Variants in VPS39 observed in about 807,000 individuals in gnomAD.
VPS39 encodes VPS39 subunit of HOPS complex.
In VPS39, 70 loss-of-function variants were observed where a neutral mutation model predicts 121.0. The observed-to-expected ratio is 0.58, with a 90% CI of 0.48 to 0.71. The LOEUF (loss-of-function observed/expected upper bound fraction) is 0.71. VPS39 is among the 30% of genes least tolerant of loss of function. VPS39 has a pLI of 0.00. For synonymous variants in VPS39, 378 were observed against 398.1 expected, an observed-to-expected ratio of 0.95 and a Z score of 0.60; for missense variants, 818 against 1,051.5, an observed-to-expected ratio of 0.78 and a Z score of 3.07.
intron 2 of VPS39, chr15:42,192,087 C>A (rs1361772215): frequency 1.3e-6 from 2 of 1,536,318 alleles, no homozygotes; most frequent in Non-Finnish European, 1.7e-6. Flanking sequence ...GGTGATGCTA[C>A]ATCTGCTGGC....
chr15:42,177,162 T>TA (rs369967285), intron 10 of VPS39, among the ~76,000 whole-genome samples: 5 of 56,408 alleles, frequency 8.9e-5, no homozygotes, highest in African/African-American at 1.9e-4. Context: ...GACCCTGTTT[T>TA]AAAAAAAAAA....
chr15:42,173,409 C>T (rs763568054), intron 11 of VPS39, among the ~76,000 whole-genome samples: 2 of 152,236 alleles, frequency 1.3e-5, no homozygotes, highest in Non-Finnish European at 2.9e-5. Context: ...TTCAGAACAG[C>T]ATTCAATAAA....
At chr15:42,201,160 T>C (rs1407925559) in intron 1 of VPS39, among the ~76,000 whole-genome samples, 1 of 145,902 alleles carries the variant, frequency 6.9e-6, no homozygotes, top group Non-Finnish European at 1.5e-5. Flanking sequence ...AAAAACCATT[T>C]AATTGTACAC....
intron 10 of VPS39, among the ~76,000 whole-genome samples, chr15:42,174,370 T>G (rs756862343): frequency 9.2e-5 from 14 of 152,196 alleles, no homozygotes; most frequent in Non-Finnish European, 1.9e-4. Context: ...ACAACAGGGT[T>G]TCTACAAGAT....
chr15:42,191,361 G>A, intron 3 of VPS39, 135 bp downstream of exon 3: 1 of 1,060,170 alleles, frequency 9.4e-7, no homozygotes, highest in Non-Finnish European at 1.4e-6. Context: ...CATGATATAT[G>A]AGCAGACACT....
intron 2 of VPS39, among the ~76,000 whole-genome samples, chr15:42,198,045 A>G (rs1028260034): frequency 6.6e-6 from 1 of 152,210 alleles, no homozygotes; most frequent in Non-Finnish European, 1.5e-5. Flanking sequence ...CAGGAACATT[A>G]ACTAATTTGT....
intron 1 of VPS39, among the ~76,000 whole-genome samples, chr15:42,207,282 G>A (rs900219123): frequency 5.3e-5 from 8 of 152,144 alleles, no homozygotes; most frequent in African/African-American, 1.9e-4. Context: ...TAAACATTAA[G>A]AGGAAAGTTA....
chr15:42,163,225 G>A, intron 21 of VPS39, 125 bp downstream of exon 21: 4 of 1,182,342 alleles, frequency 3.4e-6, no homozygotes, highest in Non-Finnish European at 5.0e-6. Context: ...ATACACACAT[G>A]CAAGATCAAT....
At position 42,178,649 on chromosome 15, in the gene VPS39, G is replaced by A. The variant is rs2049509206; in HGVS notation, c.719-79C>T. The A allele has an allele frequency of 3.2e-6, 5 of 1,571,884 alleles. No homozygotes were observed. In the South Asian group the frequency reaches 3.4e-5, roughly 11 times the overall value. On this transcript the variant is annotated intron_variant, in intron 8 of 24. Transcript: ENST00000318006. The stretch of plus-strand genomic sequence containing the variant: ...GGAGTGTTTCAGCTGCCCATTCTAA[G>A]ATACATTTAAATGGATCTCCAAAAA...
intron 8 of VPS39, among the ~76,000 whole-genome samples, chr15:42,179,634 T>C (rs1337110712): frequency 7.2e-6 from 1 of 139,650 alleles, no homozygotes; most frequent in East Asian, 2.0e-4. Context: ...AAATAAAAAA[T>C]AAAAAAAAAA....
rs1180799308 is a variant in VPS39 at position 42,178,233 on chromosome 15, C to T, written c.945G>A (p.Leu315=). ...QQLLQDKQFE[L]ALQLAEMKDD... ...CAAGACTTACTGCGAGCTGCAGAGCCAATTCAAACTGCTTGTCCTGGAGAA... is the reference window on the plus strand; with the variant it reads ...CAAGACTTACTGCGAGCTGCAGAGCTAATTCAAACTGCTTGTCCTGGAGAA... The change falls in exon 10 of 25, where the codon TTG becomes TTA. Residue 315 remains leucine, a synonymous_variant. Transcript: ENST00000318006. 1 of 1,614,128 alleles carries T rather than the reference C, an allele frequency of 6.2e-7. No individual in the cohort carries two copies. Among genetic ancestry groups the T allele is most frequent in the Admixed American group, 1.7e-5 (1 of 60,016 alleles).
At chr15:42,160,993 G>T in intron 24 of VPS39, 164 bp from the exon 25 acceptor site, 1 of 649,902 alleles carries the variant, frequency 1.5e-6, no homozygotes, top group Non-Finnish European at 2.7e-6. Flanking sequence ...GATTTCTGTA[G>T]CCATCATCTC....
At chr15:42,161,541 G>T in intron 24 of VPS39, 141 bp downstream of exon 24, 1 of 857,068 alleles carries the variant, frequency 1.2e-6, no homozygotes, top group South Asian at 1.3e-5. Context: ...CTCTCTGAAG[G>T]CTCAAGAACT....
chr15:42,171,363 G>A (rs1236287897), intron 11 of VPS39, among the ~76,000 whole-genome samples: 1 of 152,190 alleles, frequency 6.6e-6, no homozygotes, highest in African/African-American at 2.4e-5. Flanking sequence ...CATTTCCAGT[G>A]TCTGGTTATC....
intron 1 of VPS39, among the ~76,000 whole-genome samples, chr15:42,204,898 A>G (rs1172859580): frequency 3.9e-5 from 6 of 152,142 alleles, no homozygotes; most frequent in Non-Finnish European, 8.8e-5. Context: ...TCATATATAC[A>G]TGTGAAGTCT....
rs770123834 is a variant in VPS39 at position 42,175,022 on chromosome 15, A to C, written c.961-1170T>G. Among the ~76,000 whole-genome samples, 8 of 152,298 alleles carry C rather than the reference A, an allele frequency of 5.3e-5. No homozygotes were observed. The East Asian group carries it at 1.5e-3, about 29-fold the overall frequency. On this transcript the variant is annotated intron_variant, in intron 10 of 24. Transcript: ENST00000318006. ...AGCTAAATGAGGCTGAGCAGATGAC[A>C]GGGAGGGGAAGAGGAGCATGTACTC...
At position 42,160,547 on chromosome 15, in the gene VPS39, A is replaced by G; in HGVS notation, c.*207T>C. ...TGCCCACAACATAATGGTATAAGGT[A>G]TAACTAATCTCTTTTCCCATTAAAA... On this transcript the variant is annotated 3_prime_UTR_variant, in exon 25 of 25. Transcript: ENST00000318006. 1 of 592,460 alleles carries G rather than the reference A, an allele frequency of 1.7e-6. No homozygotes were observed. The highest frequency in any genetic ancestry group is 3.0e-6 in the Non-Finnish European group (1 of 330,812). 36.7% of individuals were successfully genotyped at this position (592,460 alleles called of 1,614,324 possible).
intron 8 of VPS39, among the ~76,000 whole-genome samples, chr15:42,183,390 C>T (rs1359820314): frequency 6.6e-6 from 1 of 152,150 alleles, no homozygotes; most frequent in Non-Finnish European, 1.5e-5. Context: ...GCGTGAGCCA[C>T]TGTGCCCGGC....
intron 7 of VPS39, 148 bp from the exon 8 acceptor site, chr15:42,184,848 C>T (rs866660478): frequency 3.2e-5 from 26 of 800,322 alleles, no homozygotes; most frequent in Non-Finnish European, 4.4e-5. Flanking sequence ...TTATAATAAC[C>T]GTTGTTATCA....
Sources: gnomAD v4.1 joint callset for allele counts (sites outside exome capture counted in the v4.1 genomes callset) on GRCh38, gnomAD v4.1.1 for gene constraint, MANE v1.5 for transcripts, NCBI Gene and HGNC (gene_info 2026-07-23, HGNC 2026-07-21) for gene names.